Variants in DHX15 observed in about 807,000 individuals in gnomAD.
The protein encoded by DHX15 is DEAH-box helicase 15.
A neutral mutation model predicts 94.4 loss-of-function variants in DHX15; 11 were observed. That is an observed-to-expected ratio of 0.12 (90% CI 0.07 to 0.19). DHX15 has a LOEUF of 0.19. Among genes scored for constraint, DHX15 ranks in the 10% least tolerant of loss-of-function variants. The pLI, the probability that DHX15 is intolerant of heterozygous loss-of-function variation, is 1.00. For missense variants in DHX15, 304 were observed against 988.5 expected (o/e 0.31, Z 9.29); for synonymous variants, 338 against 329.9 (o/e 1.02, Z -0.27).
At position 24,527,648 on chromosome 4, in the gene DHX15, A is replaced by G. The variant is rs1720989197; in HGVS notation, c.*276T>C. On this transcript the variant is annotated 3_prime_UTR_variant, in exon 14 of 14. Transcript: ENST00000336812. Reference sequence around the variant, plus strand: ...TTTAGAAGCATTTTCAACCATTTCTAAAGAAATGCTTATAACATTGTTATA... The same window carrying G: ...TTTAGAAGCATTTTCAACCATTTCTGAAGAAATGCTTATAACATTGTTATA... The G allele has an allele frequency of 6.8e-6, 2 of 292,838 alleles. No individual in the cohort carries two copies. The highest frequency in any genetic ancestry group is 6.4e-6 in the Non-Finnish European group (1 of 157,042). 18.1% of individuals were successfully genotyped at this position (292,838 alleles called of 1,614,324 possible).
At position 24,548,880 on chromosome 4, in the gene DHX15, T is replaced by C; in HGVS notation, c.1223A>G (p.Lys408Arg). ...QRIFEPPPPK[K>R]QNGAIGRKVV... Reference sequence around the variant, plus strand: ...CTTTCTTCCAATTGCTCCATTCTGTTTTTTGGGAGGTGGAGGCTCAAAAAT... The same window carrying C: ...CTTTCTTCCAATTGCTCCATTCTGTCTTTTGGGAGGTGGAGGCTCAAAAAT... The change falls in exon 6 of 14, where the codon AAA (lysine) becomes AGA (arginine). Residue 408 changes from lysine to arginine, a missense_variant. Physicochemically the swap from Lys to Arg is conservative, Grantham distance 26. Transcript: ENST00000336812. The C allele has an allele frequency of 4.3e-6, 7 of 1,613,290 alleles. No individual in the cohort carries two copies. Among genetic ancestry groups the C allele is most frequent in the Non-Finnish European group, 5.9e-6 (7 of 1,179,628 alleles).
intron 1 of DHX15, among the ~76,000 whole-genome samples, chr4:24,583,806 T>C (rs1332116505): frequency 3.9e-5 from 6 of 152,076 alleles, no homozygotes; most frequent in African/African-American, 1.4e-4. Context: ...GCCTACATTA[T>C]GATCCACGCG....
At chr4:24,573,305 C>T (rs1176574396) in intron 2 of DHX15, among the ~76,000 whole-genome samples, 1 of 152,208 alleles carries the variant, frequency 6.6e-6, no homozygotes, top group Non-Finnish European at 1.5e-5. Flanking sequence ...TTCTAGTCTT[C>T]TTGTTTTACA....
chr4:24,528,429 T>C (rs6817053), intron 13 of DHX15, among the ~76,000 whole-genome samples: 151,814 of 152,350 alleles, frequency 1, 75,645 homozygotes, highest in Middle Eastern at 1. Context: ...ATTGGATCTT[T>C]TCATTTTCAA....
chr4:24,552,444 C>T (rs1317509646), intron 5 of DHX15, among the ~76,000 whole-genome samples: 20 of 152,182 alleles, frequency 1.3e-4, no homozygotes. Context: ...CTCTCTCCCT[C>T]CCAAATTAAC....
At chr4:24,570,395 T>G (rs1344922218) in intron 3 of DHX15, among the ~76,000 whole-genome samples, 1 of 152,266 alleles carries the variant, frequency 6.6e-6, no homozygotes, top group African/African-American at 2.4e-5. Context: ...AACCACACAT[T>G]TTACAGTATC....
At chr4:24,534,360 T>C (rs1436047690) in intron 11 of DHX15, among the ~76,000 whole-genome samples, 2 of 152,330 alleles carry the variant, frequency 1.3e-5, no homozygotes, top group East Asian at 1.9e-4. Context: ...GCTTGAAATG[T>C]AGCTTTTTTG....
chr4:24,574,122 C>T (rs960073367), intron 2 of DHX15, among the ~76,000 whole-genome samples: 3 of 143,812 alleles, frequency 2.1e-5, no homozygotes, highest in African/African-American at 7.7e-5. Context: ...AGGAGAATCA[C>T]TTGAACCCAG....
At chr4:24,563,562 A>G (rs1049264639) in intron 3 of DHX15, 2 of 152,188 alleles carry the variant, frequency 1.3e-5, no homozygotes, top group African/African-American at 2.4e-5. Context: ...TGTTGATTCC[A>G]TCTGTAAATG....
chr4:24,566,057 T>A (rs1328875497), intron 3 of DHX15, among the ~76,000 whole-genome samples: 2 of 140,740 alleles, frequency 1.4e-5, no homozygotes, highest in Non-Finnish European at 3.1e-5. Flanking sequence ...TTTTTTTTTT[T>A]AAGAGAGATG....
intron 5 of DHX15, among the ~76,000 whole-genome samples, chr4:24,549,449 T>C (rs948572266): frequency 2.0e-5 from 3 of 152,248 alleles, no homozygotes; most frequent in African/African-American, 7.2e-5. Flanking sequence ...AATGCAATTA[T>C]ATGGAAGATT....
At chr4:24,562,780 T>C (rs955821460) in intron 3 of DHX15, among the ~76,000 whole-genome samples, 5 of 152,192 alleles carry the variant, frequency 3.3e-5, no homozygotes, top group South Asian at 2.1e-4. Flanking sequence ...GAGTCATATA[T>C]ATGAACACCA....
chr4:24,529,841 T>C (rs910443715), intron 12 of DHX15, 71 bp from the exon 13 acceptor site: 1 of 1,468,492 alleles, frequency 6.8e-7, no homozygotes. Context: ...ACCTACATAA[T>C]TAGGAAGAGG....
chr4:24,556,983 C>T (rs190647666), intron 3 of DHX15, among the ~76,000 whole-genome samples: 13 of 152,138 alleles, frequency 8.5e-5, no homozygotes, highest in African/African-American at 2.9e-4. Flanking sequence ...AGAAGTGGGA[C>T]TGAGGGGCAG....
At chr4:24,569,291 TTATTC>T (rs1446320148) in intron 3 of DHX15, among the ~76,000 whole-genome samples, 1 of 152,148 alleles carries the variant, frequency 6.6e-6, no homozygotes, top group Non-Finnish European at 1.5e-5. Context: ...ATGCAGTTCA[TTATTC>T]TATTCAATTT....
At chr4:24,533,256 A>T in intron 11 of DHX15, 2 of 583,112 alleles carry the variant, frequency 3.4e-6, no homozygotes, top group Non-Finnish European at 6.1e-6. Flanking sequence ...AAACAGTAAC[A>T]AGGCTTTTGG....
intron 12 of DHX15, chr4:24,530,184 A>T (rs1325143690): frequency 4.3e-6 from 1 of 234,616 alleles, no homozygotes; most frequent in Non-Finnish European, 8.2e-6. Context: ...TCATGGGTCC[A>T]CAGAGCCCAA....
At chr4:24,564,609 T>C (rs562395544) in intron 3 of DHX15, among the ~76,000 whole-genome samples, 1 of 152,350 alleles carries the variant, frequency 6.6e-6, no homozygotes, top group Non-Finnish European at 1.5e-5. Flanking sequence ...GAGCCAGTGA[T>C]ATTAGCCGAG....
intron 12 of DHX15, 64 bp from the exon 13 acceptor site, chr4:24,529,834 T>C (rs567196258): frequency 4.6e-6 from 7 of 1,517,072 alleles, no homozygotes; most frequent in Non-Finnish European, 5.5e-6. Flanking sequence ...TAAAGCTACC[T>C]ACATAATTAG....
Sources: gnomAD v4.1 joint callset for allele counts (sites outside exome capture counted in the v4.1 genomes callset) on GRCh38, gnomAD v4.1.1 for gene constraint, MANE v1.5 for transcripts, NCBI Gene and HGNC (gene_info 2026-07-23, HGNC 2026-07-21) for gene names.